The following DCLK1 variants were observed in gnomAD, a reference collection of about 807,000 sequenced individuals.
The protein encoded by DCLK1 is serine/threonine-protein kinase DCLK1.
In DCLK1, 16 loss-of-function variants were observed where a neutral mutation model predicts 86.2. That is an observed-to-expected ratio of 0.19 (90% CI 0.13 to 0.28). DCLK1 has a LOEUF of 0.28. DCLK1 is among the 10% of genes least tolerant of loss of function. The pLI is 1.00. For synonymous variants in DCLK1, 369 were observed against 370.5 expected, an observed-to-expected ratio of 1.00 and a Z score of 0.05; for missense variants, 590 against 940.2, an observed-to-expected ratio of 0.63 and a Z score of 4.87.
chr13:35,815,888 G>A (rs868163570), intron 11 of DCLK1, among the ~76,000 whole-genome samples: 11 of 152,102 alleles, frequency 7.2e-5, no homozygotes, highest in African/African-American at 2.4e-4. Flanking sequence ...AATAATGAAT[G>A]TTGTGCAGAT....
chr13:35,891,938 T>C (rs1873669729), intron 4 of DCLK1, among the ~76,000 whole-genome samples: 1 of 152,214 alleles, frequency 6.6e-6, no homozygotes, highest in South Asian at 2.1e-4. Flanking sequence ...TTGTCATTCT[T>C]CTGATTCCTG....
At chr13:36,120,512 A>T (rs540826159) in intron 2 of DCLK1, among the ~76,000 whole-genome samples, 91 of 152,302 alleles carry the variant, frequency 6.0e-4, no homozygotes, top group African/African-American at 1.8e-3. Context: ...TACACCATCT[A>T]TGTTTGTGTA....
intron 3 of DCLK1, among the ~76,000 whole-genome samples, chr13:36,048,818 A>G (rs1169519886): frequency 2.6e-5 from 4 of 152,190 alleles, no homozygotes; most frequent in Non-Finnish European, 5.9e-5. Flanking sequence ...ATTCTTGAGC[A>G]TTGGTAAGCT....
chr13:35,826,162 T>G (rs1868397349), intron 10 of DCLK1, among the ~76,000 whole-genome samples: 1 of 151,868 alleles, frequency 6.6e-6, no homozygotes, highest in African/African-American at 2.4e-5. Flanking sequence ...CAGTTTAACA[T>G]TTTTACCTCC....
chr13:36,020,333 A>G (rs1293034454), intron 3 of DCLK1, among the ~76,000 whole-genome samples: 1 of 152,236 alleles, frequency 6.6e-6, no homozygotes, highest in Non-Finnish European at 1.5e-5. Context: ...TTAAAAAAAT[A>G]TATGATAAAG....
At chr13:35,849,175 T>C (rs1342037820) in intron 6 of DCLK1, 17 of 985,212 alleles carry the variant, frequency 1.7e-5, no homozygotes, top group Non-Finnish European at 1.8e-5. Context: ...CTTCTTTTGG[T>C]TGGAATATTT....
chr13:36,032,516 G>A (rs1261515467), intron 3 of DCLK1, among the ~76,000 whole-genome samples: 1 of 152,200 alleles, frequency 6.6e-6, no homozygotes, highest in Non-Finnish European at 1.5e-5. Context: ...TTCATGCCAT[G>A]CCATTCGGTT....
chr13:36,045,328 GTGTGTATATA>G (rs1321773278), intron 3 of DCLK1, among the ~76,000 whole-genome samples: 15 of 45,234 alleles, frequency 3.3e-4, no homozygotes, highest in East Asian at 3.1e-3. Flanking sequence ...ATGTGTGTGT[GTGTGTATATA>G]TATATATATA....
chr13:36,003,580 G>C (rs981135926), intron 3 of DCLK1, among the ~76,000 whole-genome samples: 4 of 152,078 alleles, frequency 2.6e-5, no homozygotes, highest in Non-Finnish European at 5.9e-5. Flanking sequence ...AAATAAACTG[G>C]AAACAACATA....
intron 3 of DCLK1, among the ~76,000 whole-genome samples, chr13:36,107,106 T>TGTTTAA (rs3080959): frequency 6.6e-6 from 1 of 151,990 alleles, no homozygotes; most frequent in African/African-American, 2.4e-5. Context: ...TTGAGCTTTA[T>TGTTTAA]AACAGGCAAT....
intron 4 of DCLK1, among the ~76,000 whole-genome samples, chr13:35,929,295 A>T (rs548553211): frequency 6.6e-6 from 1 of 152,380 alleles, no homozygotes; most frequent in Non-Finnish European, 1.5e-5. Context: ...AAACAAATAA[A>T]AAAAGGTATG....
At position 35,810,821 on chromosome 13, in the gene DCLK1, A is replaced by C; in HGVS notation, c.1688+14T>G. On this transcript the variant is annotated intron_variant, in intron 12 of 16. Coordinates refer to ENST00000360631, the MANE Select transcript of DCLK1 (RefSeq NM_001330071.2). ...TTTGCAAGCATAGCACTTAAACATA[A>C]GAGAAGCATTTACCCAGTCTCTGCA... 6.2e-7 allele frequency: 1 copy of C among 1,612,604 alleles called. No individual in the cohort carries two copies. Among genetic ancestry groups the C allele is most frequent in the Non-Finnish European group, 8.5e-7 (1 of 1,179,352 alleles).
intron 3 of DCLK1, among the ~76,000 whole-genome samples, chr13:36,091,330 G>A (rs1045819945): frequency 1.3e-4 from 20 of 152,042 alleles, no homozygotes; most frequent in African/African-American, 4.4e-4. Context: ...AAACCTGCAC[G>A]TTCTGCACAT....
intron 3 of DCLK1, among the ~76,000 whole-genome samples, chr13:35,957,433 A>G (rs543624448): frequency 1.3e-5 from 2 of 152,304 alleles, no homozygotes; most frequent in East Asian, 3.9e-4. Flanking sequence ...GGAGCCTGGG[A>G]TGAGTGCTGA....
chr13:36,033,510 G>A (rs1191677356), intron 3 of DCLK1, among the ~76,000 whole-genome samples: 2 of 152,098 alleles, frequency 1.3e-5, no homozygotes, highest in Admixed American at 6.5e-5. Context: ...CTCAATATTG[G>A]TGTGACTCCC....
chr13:35,979,677 C>T (rs1022033689), intron 3 of DCLK1, among the ~76,000 whole-genome samples: 2 of 152,144 alleles, frequency 1.3e-5, no homozygotes, highest in Admixed American at 6.5e-5. Flanking sequence ...ATCCCAGTGG[C>T]GAAAGGCCAA....
intron 3 of DCLK1, among the ~76,000 whole-genome samples, chr13:36,008,373 CT>C (rs1370652555): frequency 2.3e-4 from 17 of 73,512 alleles, no homozygotes; most frequent in African/African-American, 9.9e-4. Flanking sequence ...TCCCTCCCCC[CT>C]CCCCCCTCCC....
intron 3 of DCLK1, among the ~76,000 whole-genome samples, chr13:35,972,429 A>T (rs1260288202): frequency 1.1e-4 from 17 of 152,150 alleles, no homozygotes; most frequent in Admixed American, 9.8e-4. Flanking sequence ...ACATACAAAC[A>T]GAGAAGCTCA....
chr13:35,976,667 A>G (rs1879358613), intron 3 of DCLK1, among the ~76,000 whole-genome samples: 1 of 150,832 alleles, frequency 6.6e-6, no homozygotes, highest in East Asian at 2.0e-4. Context: ...AGTAGCTGGG[A>G]CTACAGGCGC....
Sources: gnomAD v4.1 joint callset for allele counts (sites outside exome capture counted in the v4.1 genomes callset) on GRCh38, gnomAD v4.1.1 for gene constraint, MANE v1.5 for transcripts, NCBI Gene and HGNC (gene_info 2026-07-23, HGNC 2026-07-21) for gene names.